GRIN2D: variants seen among roughly 807,000 people sequenced by gnomAD.
The protein encoded by GRIN2D is glutamate ionotropic receptor NMDA type subunit 2D.
A neutral mutation model predicts 103.2 loss-of-function variants in GRIN2D; 37 were observed. The ratio of observed to expected loss-of-function variants is 0.36; its 90% CI spans 0.28 to 0.47. The LOEUF (loss-of-function observed/expected upper bound fraction) is 0.47, where lower values mean the gene tolerates loss of function less well. Among genes scored for constraint, GRIN2D ranks in the 20% least tolerant of loss-of-function variants. GRIN2D has a pLI of 1.00. For missense variants in GRIN2D, 1,557 were observed against 1,910.6 expected, an observed-to-expected ratio of 0.81 and a Z score of 3.45; for synonymous variants, 845 against 885.6, an observed-to-expected ratio of 0.95 and a Z score of 0.81.
Position 48,442,624 on chromosome 19 carries a change from G to A in GRIN2D, c.2698G>A (p.Glu900Lys), listed in dbSNP as rs1043490054. The change falls in exon 14 of 14, where the codon GAG becomes AAG. Residue 900 changes from glutamate (E) to lysine (K), a missense_variant. By Grantham distance (56) the Glu-to-Lys change is moderately conservative (BLOSUM62 1). Coordinates refer to ENST00000263269, the MANE Select transcript of GRIN2D (RefSeq NM_000836.4). The surrounding 1 kb of genome is among the most constrained non-coding windows in gnomAD (Gnocchi z 7.2). ...SRGMYSCCSA[E>K]AAPPPAKPPP... ...GGGCATGTACAGCTGCTGCAGCGCT[G>A]AGGCCGCCCCACCGCCCGCCAAGCC... 11 of 1,499,154 alleles carry A rather than the reference G, an allele frequency of 7.3e-6. No homozygotes were observed. The South Asian group carries it at 1.1e-4, about 15-fold the overall frequency. 92.9% of individuals were successfully genotyped at this position (1,499,154 alleles called of 1,614,324 possible). A position where few individuals can be genotyped will look rare whatever the true frequency, so the allele number is the denominator to read the frequency against.
chr19:48,424,058 A>T (rs1971055677), intron 11 of GRIN2D, among the ~76,000 whole-genome samples: 1 of 151,966 alleles, frequency 6.6e-6, no homozygotes, highest in Admixed American at 6.6e-5. Flanking sequence ...ACATGAGGTG[A>T]TCTGCCTGCC....
chr19:48,422,058 T>G, intron 11 of GRIN2D, 113 bp downstream of exon 11: 1 of 1,036,712 alleles, frequency 9.6e-7, no homozygotes, highest in Non-Finnish European at 1.4e-6. Flanking sequence ...CAGCCCTGGG[T>G]GGGTCAGCTT....
At chr19:48,397,552 C>T (rs1288783978) in intron 2 of GRIN2D, among the ~76,000 whole-genome samples, 1 of 151,956 alleles carries the variant, frequency 6.6e-6, no homozygotes, top group Non-Finnish European at 1.5e-5. Context: ...CTTGGGGTCT[C>T]TGTCTCCCTC....
chr19:48,417,809 C>T (rs1174228271), intron 8 of GRIN2D, among the ~76,000 whole-genome samples: 1 of 152,130 alleles, frequency 6.6e-6, no homozygotes, highest in East Asian at 1.9e-4. Flanking sequence ...CCTGACAGCT[C>T]ACACTTGGCC....
chr19:48,418,141 C>G (rs932177816), intron 8 of GRIN2D, among the ~76,000 whole-genome samples: 1 of 150,648 alleles, frequency 6.6e-6, no homozygotes, highest in Non-Finnish European at 1.5e-5. Flanking sequence ...TCAAGCAATT[C>G]TCCTGCCTCA....
rs545688181 is a variant in GRIN2D, at chr19:48,426,774, G to A, written c.2252+4829G>A. Among the ~76,000 whole-genome samples, 30 of 151,564 alleles carry A rather than the reference G, an allele frequency of 2.0e-4. No individual in the cohort carries two copies. In the South Asian group the frequency reaches 5.8e-3, roughly 29 times the overall value. ...TAATTTTTGTATTTTTAGTAAAGAC[G>A]GGGTCTCACCATGTTGGCCAGGCTG... On this transcript the variant is annotated intron_variant, in intron 11 of 13. Transcript: ENST00000263269.
chr19:48,443,382 C>T lies in GRIN2D; in HGVS notation c.3456C>T (p.Tyr1152=), dbSNP rs1971332168. ...AERLGPPPGR[Y]WSVDKLGGWR... ...GCCTCGGGCCGCCGCCCGGCCGCTACTGGTCGGTCGACAAGCTCGGGGGCT... is the reference window on the plus strand; with the variant it reads ...GCCTCGGGCCGCCGCCCGGCCGCTATTGGTCGGTCGACAAGCTCGGGGGCT... The change falls in exon 14 of 14, where the codon TAC becomes TAT. Residue 1152 remains tyrosine, a synonymous_variant. Transcript: ENST00000263269. This position sits in a 1 kb window ranked among gnomAD's most constrained non-coding sequence, Gnocchi z 8.9. 18 of 1,470,976 alleles carry T rather than the reference C, an allele frequency of 1.2e-5. No individual in the cohort carries two copies. The highest frequency in any genetic ancestry group is 1.6e-5 in the Non-Finnish European group (18 of 1,117,142). The allele number at this position is 1,470,976 out of a possible 1,614,324, so 91.1% of individuals were successfully genotyped here.
chr19:48,426,241 T>C (rs1299291074), intron 11 of GRIN2D, among the ~76,000 whole-genome samples: 2 of 148,058 alleles, frequency 1.4e-5, no homozygotes, highest in African/African-American at 2.5e-5. Flanking sequence ...TTTTTTTTTT[T>C]CTGAAACAGA....
At chr19:48,439,748 A>T (rs185147038) in intron 11 of GRIN2D, among the ~76,000 whole-genome samples, 186 of 152,350 alleles carry the variant, frequency 1.2e-3, no homozygotes, top group African/African-American at 4.2e-3. Context: ...GTTTGAGACC[A>T]GCCTGACCAA....
At chr19:48,404,700 C>G (rs772300429) in intron 3 of GRIN2D, 34 bp from the exon 4 acceptor site, 2 of 1,549,784 alleles carry the variant, frequency 1.3e-6, no homozygotes, top group Non-Finnish European at 1.7e-6. Flanking sequence ...GTCCCCACAT[C>G]GGCAGGCCTG....
chr19:48,403,580 A>G (rs1970744717), intron 3 of GRIN2D, among the ~76,000 whole-genome samples: 1 of 152,142 alleles, frequency 6.6e-6, no homozygotes, highest in African/African-American at 2.4e-5. Flanking sequence ...ATCACCAGGG[A>G]GAGAGGAATA....
chr19:48,405,511 A>G lies in GRIN2D; in HGVS notation c.1085+158A>G, dbSNP rs1219360072. Among the ~76,000 whole-genome samples, 1 of 152,188 alleles carries G rather than the reference A, an allele frequency of 6.6e-6. No individual in the cohort carries two copies. Among genetic ancestry groups the G allele is most frequent in the Admixed American group, 6.5e-5 (1 of 15,276 alleles). ...GCAATTGGGTCTCTTTTCTGAGGTT[A>G]AATCAAGTAATTTGGAAAAAGCACC... On this transcript the variant is annotated intron_variant, in intron 4 of 13. Coordinates refer to ENST00000263269, the MANE Select transcript of GRIN2D (RefSeq NM_000836.4). This position sits in a 1 kb window ranked among gnomAD's most constrained non-coding sequence, Gnocchi z 5.1.
intron 2 of GRIN2D, among the ~76,000 whole-genome samples, chr19:48,397,823 T>A (rs1280257266): frequency 6.6e-6 from 1 of 151,782 alleles, no homozygotes; most frequent in Non-Finnish European, 1.5e-5. Flanking sequence ...GGTGTCCCCA[T>A]CCCCACCTTG....
intron 8 of GRIN2D, among the ~76,000 whole-genome samples, chr19:48,416,602 C>G (rs1970951348): frequency 6.6e-6 from 1 of 152,188 alleles, no homozygotes; most frequent in African/African-American, 2.4e-5. Flanking sequence ...TCAGTGTTTA[C>G]TGAGCATCTA....
intron 2 of GRIN2D, among the ~76,000 whole-genome samples, chr19:48,395,865 TTG>T (rs1422894882): frequency 6.6e-6 from 1 of 151,928 alleles, no homozygotes. Context: ...ACCTGGACTC[TTG>T]GTTCCTGCAG....
intron 10 of GRIN2D, among the ~76,000 whole-genome samples, chr19:48,420,210 C>CCT (rs1474143697): frequency 2.0e-5 from 3 of 150,274 alleles, no homozygotes; most frequent in East Asian, 4.0e-4. Flanking sequence ...GGGCGGATCA[C>CCT]GAGGTCAGGA....
chr19:48,422,962 G>A (rs1463642667), intron 11 of GRIN2D, among the ~76,000 whole-genome samples: 1 of 152,158 alleles, frequency 6.6e-6, no homozygotes, highest in Non-Finnish European at 1.5e-5. Context: ...TGCGGCAACA[G>A]GCTCTTGGGA....
chr19:48,419,110 G>A, intron 8 of GRIN2D, 124 bp from the exon 9 acceptor site: 1 of 721,896 alleles, frequency 1.4e-6, no homozygotes, highest in Non-Finnish European at 2.2e-6. Flanking sequence ...AACTCCAGGC[G>A]TCAAGTGATC....
At position 48,394,428 on chromosome 19, in the gene GRIN2D, A is replaced by G. The variant is rs986693042; in HGVS notation, c.-305-230A>G. ...CACTAGCTTCAGAGGTGACCCAGACAGACAGATAGACACAGACGCTGGAAG... is the reference window on the plus strand; with the variant it reads ...CACTAGCTTCAGAGGTGACCCAGACGGACAGATAGACACAGACGCTGGAAG... On this transcript the variant is annotated intron_variant, in intron 1 of 13. Coordinates refer to ENST00000263269, the MANE Select transcript of GRIN2D (RefSeq NM_000836.4). This position sits in a 1 kb window ranked among gnomAD's most constrained non-coding sequence, Gnocchi z 5.1. Among the ~76,000 whole-genome samples the G allele has an allele frequency of 7.5e-6, 1 of 133,404 alleles. No homozygotes were observed. Among genetic ancestry groups the G allele is most frequent in the Non-Finnish European group, 1.6e-5 (1 of 63,312 alleles). 87.5% of individuals were successfully genotyped at this position (133,404 alleles called of 152,430 possible).
Sources: allele counts gnomAD v4.1 joint callset (sites outside exome capture counted in the v4.1 genomes callset), GRCh38; gene constraint gnomAD v4.1.1; non-coding constraint Gnocchi (gnomAD v3.1); transcripts MANE v1.5; gene names NCBI Gene and HGNC (gene_info 2026-07-23, HGNC 2026-07-21).